MYO1E: variants seen among roughly 807,000 people sequenced by gnomAD.
MYO1E encodes unconventional myosin-Ie.
Under a neutral mutation model 151.1 loss-of-function variants are expected in MYO1E, and 68 were observed. That is an observed-to-expected ratio of 0.45 (90% CI 0.37 to 0.55). The LOEUF (loss-of-function observed/expected upper bound fraction) is 0.55, where lower values mean the gene tolerates loss of function less well. Ranked by LOEUF, MYO1E falls within the 20% of genes least tolerant of loss-of-function variation. The pLI, the probability that MYO1E is intolerant of heterozygous loss-of-function variation, is 0.00. For synonymous variants in MYO1E, 601 were observed against 501.7 expected (o/e 1.20, Z -2.64); for missense variants, 1,363 against 1,389.3 (o/e 0.98, Z 0.30).
At chr15:59,169,214 A>G (rs1308008587) in intron 22 of MYO1E, among the ~76,000 whole-genome samples, 1 of 152,242 alleles carries the variant, frequency 6.6e-6, no homozygotes, top group Non-Finnish European at 1.5e-5. Flanking sequence ...ATATGTTGAT[A>G]TCATTCCAGC....
intron 6 of MYO1E, among the ~76,000 whole-genome samples, chr15:59,230,969 G>T (rs1480311650): frequency 6.6e-6 from 1 of 152,176 alleles, no homozygotes; most frequent in Non-Finnish European, 1.5e-5. Flanking sequence ...TGTGGCTTTT[G>T]TCAAGGGGAA....
intron 7 of MYO1E, 90 bp downstream of exon 7, chr15:59,227,369 C>CT: frequency 3.9e-6 from 6 of 1,527,852 alleles, no homozygotes; most frequent in Non-Finnish European, 5.4e-6. Flanking sequence ...TCCCTGGCTT[C>CT]CTAGACTATA....
chr15:59,227,601 G>A lies in MYO1E; in HGVS notation c.511-11C>T. On this transcript the variant is annotated splice_polypyrimidine_tract_variant and intron_variant, in intron 6 of 27. Coordinates refer to ENST00000288235, the MANE Select transcript of MYO1E (RefSeq NM_004998.4). Reference sequence around the variant, plus strand: ...TTCAAAGTATTTTCCCTGCAAGAAAGTTAGGGATTTCCTTCAATGGTTGGT... The same window carrying A: ...TTCAAAGTATTTTCCCTGCAAGAAAATTAGGGATTTCCTTCAATGGTTGGT... 6.2e-7 allele frequency: 1 copy of A among 1,614,000 alleles called. No individual in the cohort carries two copies. Among genetic ancestry groups the A allele is most frequent in the Non-Finnish European group, 8.5e-7 (1 of 1,179,938 alleles).
At chr15:59,328,126 G>C (rs537411964) in intron 1 of MYO1E, among the ~76,000 whole-genome samples, 32 of 152,324 alleles carry the variant, frequency 2.1e-4, no homozygotes, top group Non-Finnish European at 4.4e-4. Flanking sequence ...GGGTGGCAGA[G>C]GTGTCAGCAG....
At chr15:59,258,103 T>C (rs1266588105) in intron 3 of MYO1E, among the ~76,000 whole-genome samples, 1 of 151,990 alleles carries the variant, frequency 6.6e-6, no homozygotes, top group Non-Finnish European at 1.5e-5. Flanking sequence ...TCTCAGCACT[T>C]TGGGAGGCTG....
chr15:59,368,229 A>T (rs1381818860), intron 1 of MYO1E, among the ~76,000 whole-genome samples: 2 of 152,216 alleles, frequency 1.3e-5, no homozygotes, highest in African/African-American at 4.8e-5. Flanking sequence ...CATGGCCTAG[A>T]ATCAAGTAGT....
intron 1 of MYO1E, among the ~76,000 whole-genome samples, chr15:59,318,283 T>A (rs915955971): frequency 1.3e-5 from 2 of 152,312 alleles, no homozygotes; most frequent in Middle Eastern, 3.4e-3. Flanking sequence ...CCCATCTTCC[T>A]AGTGCTGGAA....
chr15:59,267,174 C>T (rs904381337), intron 2 of MYO1E, among the ~76,000 whole-genome samples: 4 of 150,342 alleles, frequency 2.7e-5, no homozygotes, highest in South Asian at 2.1e-4. Context: ...TACAGGCATG[C>T]GCCACTACGC....
At chr15:59,306,327 T>C (rs764767127) in intron 1 of MYO1E, among the ~76,000 whole-genome samples, 20 of 152,260 alleles carry the variant, frequency 1.3e-4, no homozygotes, top group Non-Finnish European at 2.4e-4. Flanking sequence ...TTCCATTACA[T>C]AGAATATTTC....
At chr15:59,251,720 C>G (rs2080165996) in intron 4 of MYO1E, among the ~76,000 whole-genome samples, 2 of 152,184 alleles carry the variant, frequency 1.3e-5, no homozygotes, top group Non-Finnish European at 2.9e-5. Context: ...TTTTGCAGTA[C>G]TGACTTGGGA....
At chr15:59,229,428 A>G (rs1596375897) in intron 6 of MYO1E, among the ~76,000 whole-genome samples, 1 of 152,356 alleles carries the variant, frequency 6.6e-6, no homozygotes, top group East Asian at 1.9e-4. Context: ...CATGGCTCAT[A>G]ATTGTCATAT....
chr15:59,204,440 C>T (rs1396142989), intron 15 of MYO1E, among the ~76,000 whole-genome samples: 1 of 152,170 alleles, frequency 6.6e-6, no homozygotes, highest in Non-Finnish European at 1.5e-5. Context: ...GACAGCTTAA[C>T]TAATAGAGAG....
intron 18 of MYO1E, among the ~76,000 whole-genome samples, chr15:59,181,285 T>C (rs778011539): frequency 8.5e-5 from 13 of 152,312 alleles, no homozygotes; most frequent in East Asian, 7.7e-4. Context: ...TGCTACAAGA[T>C]AGACTTTGCA....
chr15:59,206,312 A>G (rs2079833489), intron 14 of MYO1E, among the ~76,000 whole-genome samples: 1 of 152,196 alleles, frequency 6.6e-6, no homozygotes, highest in Non-Finnish European at 1.5e-5. Flanking sequence ...AAAAATATGC[A>G]GTAGTATGCT....
chr15:59,288,327 C>A (rs1443778894), intron 1 of MYO1E, among the ~76,000 whole-genome samples: 1 of 152,060 alleles, frequency 6.6e-6, no homozygotes, highest in Non-Finnish European at 1.5e-5. Context: ...AGGTGTGTGC[C>A]ACCATGTCTG....
intron 5 of MYO1E, among the ~76,000 whole-genome samples, chr15:59,236,126 G>C (rs1017421744): frequency 1.3e-5 from 2 of 151,950 alleles, no homozygotes; most frequent in African/African-American, 4.8e-5. Flanking sequence ...CAGATCACCT[G>C]AGGTCAGGAG....
intron 4 of MYO1E, among the ~76,000 whole-genome samples, chr15:59,240,953 C>T (rs549335614): frequency 2.2e-4 from 33 of 152,212 alleles, no homozygotes; most frequent in Non-Finnish European, 4.3e-4. Context: ...CACTGTCTTA[C>T]AGGGAAGTCG....
intron 12 of MYO1E, among the ~76,000 whole-genome samples, chr15:59,213,142 A>ATTTAT (rs1355841286): frequency 8.4e-4 from 23 of 27,442 alleles, no homozygotes; most frequent in Non-Finnish European, 2.3e-3. Context: ...TTTATTTATT[A>ATTTAT]TTATTATTAT....
chr15:59,250,227 T>C (rs182682033), intron 4 of MYO1E, among the ~76,000 whole-genome samples: 200 of 152,262 alleles, frequency 1.3e-3, no homozygotes, highest in Non-Finnish European at 2.6e-3. Flanking sequence ...TCTGACGATA[T>C]GATTTATGTC....
Sources: gnomAD v4.1 joint callset for allele counts (sites outside exome capture counted in the v4.1 genomes callset) on GRCh38, gnomAD v4.1.1 for gene constraint, MANE v1.5 for transcripts, NCBI Gene and HGNC (gene_info 2026-07-23, HGNC 2026-07-21) for gene names.